PCDHA5: variants seen among roughly 807,000 people sequenced by gnomAD.
PCDHA5 encodes protocadherin alpha 5.
A neutral mutation model predicts 61.6 loss-of-function variants in PCDHA5; 43 were observed. The observed-to-expected ratio is 0.70, with a 90% CI of 0.55 to 0.90. The LOEUF (loss-of-function observed/expected upper bound fraction) is 0.90, where lower values mean the gene tolerates loss of function less well. PCDHA5 is among the 40% of genes least tolerant of loss of function. The probability of loss-of-function intolerance (pLI) is 0.00; values close to 1 mark genes in which losing one functional copy is unlikely to be tolerated. For synonymous variants in PCDHA5, 627 were observed against 543.9 expected (o/e 1.15, Z -2.13); for missense variants, 1,298 against 1,222.7 (o/e 1.06, Z -0.92).
Position 140,836,313 on chromosome 5 carries a change from C to T in PCDHA5, c.2352+12186C>T, listed in dbSNP as rs2150257393. 228 of 1,613,608 alleles carry T rather than the reference C, an allele frequency of 1.4e-4. 1 individual carries two copies. Among genetic ancestry groups the T allele is most frequent in the Non-Finnish European group, 1.4e-5 (16 of 1,179,840 alleles). On this transcript the variant is annotated intron_variant, in intron 1 of 3. Coordinates refer to ENST00000529859, the MANE Select transcript of PCDHA5 (RefSeq NM_018908.3). The stretch of plus-strand genomic sequence containing the variant: ...AGCCCTAGATGAGACGGACGCACCG[C>T]GCCACCGCCTTCTGGTGCTTGTGAA...
chr5:140,939,171 T>C (rs2092330047), intron 1 of PCDHA5, among the ~76,000 whole-genome samples: 1 of 152,170 alleles, frequency 6.6e-6, no homozygotes. Flanking sequence ...TGTCTGGTAA[T>C]GGCCCACTCC....
chr5:140,852,181 G>A, intron 1 of PCDHA5: 3 of 755,216 alleles, frequency 4.0e-6, no homozygotes, highest in Non-Finnish European at 5.0e-6. Flanking sequence ...AAATAACTAT[G>A]AAAATGCCAG....
At chr5:140,968,621 T>C (rs782017664) in intron 1 of PCDHA5, 11 of 1,614,190 alleles carry the variant, frequency 6.8e-6, no homozygotes, top group Non-Finnish European at 8.5e-6. Context: ...GCAAAATGCT[T>C]GGCTTTTTTA....
At position 140,829,969 on chromosome 5, in the gene PCDHA5, G is replaced by A. The variant is rs144012634; in HGVS notation, c.2352+5842G>A. The A allele has an allele frequency of 1.9e-4, 306 of 1,614,010 alleles. 1 individual carries two copies. The African/African-American group carries it at 3.5e-3, about 18-fold the overall frequency. On this transcript the variant is annotated intron_variant, in intron 1 of 3. Coordinates refer to ENST00000529859, the MANE Select transcript of PCDHA5 (RefSeq NM_018908.3). The stretch of plus-strand genomic sequence containing the variant: ...CTCGCTTCCCGTTTCGCGTGGGGCT[G>A]TACACGGGCGAGATCAGCACCACTC...
chr5:140,988,206 G>GA (rs200168674), intron 3 of PCDHA5, among the ~76,000 whole-genome samples: 41 of 150,634 alleles, frequency 2.7e-4, no homozygotes, highest in Admixed American at 4.6e-4. Flanking sequence ...TCCTTATTAG[G>GA]AAAAAAAAAT....
intron 1 of PCDHA5, among the ~76,000 whole-genome samples, chr5:140,896,733 C>T (rs920661983): frequency 2.0e-5 from 3 of 151,970 alleles, no homozygotes; most frequent in Non-Finnish European, 2.9e-5. Flanking sequence ...TGTTTAAGTT[C>T]CTTATAGATT....
intron 1 of PCDHA5, among the ~76,000 whole-genome samples, chr5:140,951,897 G>A (rs2094651245): frequency 6.6e-6 from 1 of 152,106 alleles, no homozygotes; most frequent in Non-Finnish European, 1.5e-5. Context: ...CTGCCTATGA[G>A]CCTGTAAAAT....
intron 1 of PCDHA5, chr5:140,827,870 T>A: frequency 1.6e-6 from 1 of 629,348 alleles, no homozygotes; most frequent in Non-Finnish European, 2.7e-6. Flanking sequence ...GGTATAGCAC[T>A]GTTACGTGAA....
intron 1 of PCDHA5, among the ~76,000 whole-genome samples, chr5:140,953,945 C>T (rs189219030): frequency 8.5e-5 from 13 of 152,154 alleles, no homozygotes; most frequent in African/African-American, 3.1e-4. Flanking sequence ...TCCCATTGCT[C>T]CCCCAACAGG....
intron 1 of PCDHA5, chr5:140,849,996 G>T (rs2150462323): frequency 6.3e-7 from 1 of 1,597,124 alleles, no homozygotes; most frequent in East Asian, 2.2e-5. Context: ...GCGGTTGGGC[G>T]AGCGCTCGCT....
intron 1 of PCDHA5, among the ~76,000 whole-genome samples, chr5:140,922,023 T>TA (rs530025575): frequency 3.9e-5 from 6 of 151,968 alleles, no homozygotes; most frequent in African/African-American, 1.4e-4. Flanking sequence ...AAAATAAATA[T>TA]AAAAAATGTA....
At chr5:140,945,393 T>G (rs2153669728) in intron 1 of PCDHA5, among the ~76,000 whole-genome samples, 1 of 152,208 alleles carries the variant, frequency 6.6e-6, no homozygotes, top group East Asian at 1.9e-4. Flanking sequence ...AATATACAAA[T>G]TCAATACAAT....
At chr5:140,833,984 G>A (rs1449864732) in intron 1 of PCDHA5, among the ~76,000 whole-genome samples, 2 of 152,118 alleles carry the variant, frequency 1.3e-5, no homozygotes, top group East Asian at 3.8e-4. Flanking sequence ...GTTTTTCTAA[G>A]GCATGAGGAA....
Position 140,869,569 on chromosome 5 carries a change from G to A in PCDHA5, c.2352+45442G>A, listed in dbSNP as rs200465902. ...ATCGGACTCGCGTTTTCCACTAGAG[G>A]GAGCTTCTGATGCTGACATTGAAGA... On this transcript the variant is annotated intron_variant, in intron 1 of 3. Coordinates refer to ENST00000529859, the MANE Select transcript of PCDHA5 (RefSeq NM_018908.3). 4.4e-4 allele frequency: 718 copies of A among 1,614,118 alleles called. 4 individuals carry two copies. The African/African-American group carries it at 8.4e-3, about 19-fold the overall frequency.
In PCDHA5 at chr5:140,852,957, C is replaced by T. The variant is rs193082588; in HGVS notation, c.2352+28830C>T. The T allele has an allele frequency of 2.4e-3, 1,034 of 439,410 alleles. 42 individuals carry two copies. The highest frequency in any genetic ancestry group is 0.021 in the African/African-American group (968 of 46,052). 27.2% of individuals were successfully genotyped at this position (439,410 alleles called of 1,614,324 possible). On this transcript the variant is annotated intron_variant, in intron 1 of 3. Transcript: ENST00000529859. ...GCAGTGGTGCCATCTTGGCTCACTC[C>T]AAGCTCCCCCTCCCGTGTTCACGCC... is the stretch of plus-strand genomic sequence containing the variant.
chr5:140,827,091 A>G (rs568618224), intron 1 of PCDHA5, among the ~76,000 whole-genome samples: 1 of 152,214 alleles, frequency 6.6e-6, no homozygotes, highest in Non-Finnish European at 1.5e-5. Flanking sequence ...ACTATTTTCT[A>G]GGAGTCAGCA....
intron 1 of PCDHA5, chr5:140,871,672 T>C (rs2053253410): frequency 2.6e-6 from 3 of 1,153,066 alleles, no homozygotes; most frequent in Non-Finnish European, 3.6e-6. Flanking sequence ...AGTCTTTTAA[T>C]CATATGAATA....
At chr5:140,904,729 TA>T (rs1313627737) in intron 1 of PCDHA5, among the ~76,000 whole-genome samples, 4 of 152,162 alleles carry the variant, frequency 2.6e-5, no homozygotes, top group East Asian at 1.9e-4. Context: ...CAACATCTAT[TA>T]TTTTTTTATT....
At chr5:140,878,933 A>G (rs2057778648) in intron 1 of PCDHA5, among the ~76,000 whole-genome samples, 2 of 152,224 alleles carry the variant, frequency 1.3e-5, no homozygotes, top group Admixed American at 1.3e-4. Context: ...AATAATTTTA[A>G]ATAAATATAT....
Sources: allele counts gnomAD v4.1 joint callset (sites outside exome capture counted in the v4.1 genomes callset), GRCh38; gene constraint gnomAD v4.1.1; transcripts MANE v1.5; gene names NCBI Gene and HGNC (gene_info 2026-07-23, HGNC 2026-07-21).